The following CHRM2 variants were observed in gnomAD, a reference collection of about 807,000 sequenced individuals.
CHRM2 encodes the protein cholinergic receptor muscarinic 2.
A neutral mutation model predicts 25.0 loss-of-function variants in CHRM2; 8 were observed. The observed-to-expected ratio is 0.32, with a 90% confidence interval of 0.19 to 0.58. The LOEUF is 0.58. Among genes scored for constraint, CHRM2 ranks in the 20% least tolerant of loss-of-function variants. The probability of loss-of-function intolerance (pLI) is 0.88; values close to 1 mark genes in which losing one functional copy is unlikely to be tolerated. For missense variants in CHRM2, 440 were observed against 567.1 expected, an observed-to-expected ratio of 0.78 and a Z score of 2.28; for synonymous variants, 202 against 205.7, an observed-to-expected ratio of 0.98 and a Z score of 0.15.
At chr7:136,909,312 T>C (rs1231060602) in intron 2 of CHRM2, among the ~76,000 whole-genome samples, 1 of 151,930 alleles carries the variant, frequency 6.6e-6, no homozygotes. Flanking sequence ...ACATGGCACA[T>C]AGAGTTATAT....
chr7:136,894,867 G>C (rs145153354), intron 2 of CHRM2, among the ~76,000 whole-genome samples: 3 of 152,262 alleles, frequency 2.0e-5, no homozygotes, highest in African/African-American at 7.2e-5. Context: ...GATTGCCATT[G>C]TTGTCAGGTA....
Position 137,015,386 on chromosome 7 carries a change from G to A in CHRM2, c.521G>A (p.Gly174Glu), listed in dbSNP as rs767694809. The A allele has an allele frequency of 6.2e-7, 1 of 1,613,474 alleles. No individual in the cohort carries two copies. Among genetic ancestry groups the A allele is most frequent in the South Asian group, 1.1e-5 (1 of 91,080 alleles). Residue 174 changes from glycine to glutamate, a missense_variant, in exon 4 of 4, where the codon GGG (glycine) becomes GAG (glutamate). Physicochemically the swap from Gly to Glu is moderately conservative, Grantham distance 98. This residue lies in a region of CHRM2 where 261 missense variants were observed against 261.8 expected (regional missense o/e 1.00). Coordinates refer to ENST00000680005, the MANE Select transcript of CHRM2 (RefSeq NM_001006630.2). The surrounding 1 kb of genome is among the most constrained non-coding windows in gnomAD (Gnocchi z 5.1). ...GTAGGGGTGAGAACTGTGGAGGATG[G>A]GGAGTGCTACATTCAGTTTTTTTCC... Reference protein sequence around the residue: ...FIVGVRTVEDGECYIQFFSNA... With the variant: ...FIVGVRTVEDEECYIQFFSNA...
intron 3 of CHRM2, among the ~76,000 whole-genome samples, chr7:136,995,897 G>C: frequency 6.6e-6 from 1 of 151,652 alleles, no homozygotes; most frequent in Admixed American, 6.6e-5. Flanking sequence ...ACACTAATAA[G>C]TTGTACTTAA....
intron 2 of CHRM2, among the ~76,000 whole-genome samples, chr7:136,917,779 T>TC (rs1798203723): frequency 6.6e-6 from 1 of 152,108 alleles, no homozygotes; most frequent in Non-Finnish European, 1.5e-5. Context: ...AACATTTCTC[T>TC]CTTCATAACT....
chr7:136,880,586 A>G (rs1796226360), intron 2 of CHRM2, among the ~76,000 whole-genome samples: 1 of 151,906 alleles, frequency 6.6e-6, no homozygotes. Flanking sequence ...TTCTGTTACT[A>G]TATATAATTA....
In CHRM2 at chr7:137,018,764, T is replaced by C. The variant is rs1805300354; in HGVS notation, c.*2498T>C. On this transcript the variant is annotated 3_prime_UTR_variant, in exon 4 of 4. Coordinates refer to ENST00000680005, the MANE Select transcript of CHRM2 (RefSeq NM_001006630.2). ...GAAACTGTCACTTTAAAGAAAGAAA[T>C]TGAAGATAGGCTGACACCATGGAAA... 6.6e-6 allele frequency: 1 copy of C among 151,788 alleles called. No homozygotes were observed. Among genetic ancestry groups the C allele is most frequent in the Non-Finnish European group, 1.5e-5 (1 of 67,896 alleles). 9.4% of individuals were successfully genotyped at this position (151,788 alleles called of 1,614,324 possible).
At chr7:137,014,376 T>TG (rs1805031011) in intron 3 of CHRM2, among the ~76,000 whole-genome samples, 2 of 152,024 alleles carry the variant, frequency 1.3e-5, no homozygotes, top group Non-Finnish European at 2.9e-5. Flanking sequence ...CATTCAATAT[T>TG]ATACATTCTA....
At chr7:136,988,735 A>G (rs543694703) in intron 2 of CHRM2, among the ~76,000 whole-genome samples, 93 of 152,258 alleles carry the variant, frequency 6.1e-4, no homozygotes, top group African/African-American at 2.2e-3. Context: ...GAGATAATAA[A>G]GCACCAAGTG....
At chr7:136,959,612 G>A (rs1368162741) in intron 2 of CHRM2, among the ~76,000 whole-genome samples, 1 of 152,100 alleles carries the variant, frequency 6.6e-6, no homozygotes, top group African/African-American at 2.4e-5. Context: ...CAAAGCATAT[G>A]TTAAGAAGGA....
rs145818763 is a variant in CHRM2 at position 136,982,077 on chromosome 7, C to T, written c.-124-10110C>T. On this transcript the variant is annotated intron_variant, in intron 2 of 3. Transcript: ENST00000680005. ...TCTCCCACTACTATTGTTTAGGAGT[C>T]TAAGTCTCTTTGTATGTCTCTAAGA... Among the ~76,000 whole-genome samples the T allele has an allele frequency of 6.2e-3, 938 of 152,232 alleles. 3 individuals carry two copies. Among genetic ancestry groups the T allele is most frequent in the Non-Finnish European group, 9.2e-3 (623 of 68,012 alleles).
At chr7:136,995,962 T>C (rs1265712962) in intron 3 of CHRM2, among the ~76,000 whole-genome samples, 2 of 151,584 alleles carry the variant, frequency 1.3e-5, no homozygotes, top group Non-Finnish European at 2.9e-5. Flanking sequence ...TTGCTACGGG[T>C]GTAAGAATAG....
intron 2 of CHRM2, among the ~76,000 whole-genome samples, chr7:136,873,891 C>T (rs1215513450): frequency 6.6e-6 from 1 of 152,222 alleles, no homozygotes; most frequent in Non-Finnish European, 1.5e-5. Context: ...GTGATTGCCT[C>T]TGGCAGAGGT....
chr7:136,991,212 G>A (rs1474827594), intron 2 of CHRM2, among the ~76,000 whole-genome samples: 2 of 152,072 alleles, frequency 1.3e-5, no homozygotes, highest in African/African-American at 2.4e-5. Flanking sequence ...CATACCCAAA[G>A]TCATGTAGTT....
rs1240325898 is a variant in CHRM2, at chr7:137,019,070, C to T, written c.*2804C>T. On this transcript the variant is annotated 3_prime_UTR_variant, in exon 4 of 4. Coordinates refer to ENST00000680005, the MANE Select transcript of CHRM2 (RefSeq NM_001006630.2). Reference sequence around the variant, plus strand: ...TAATGCTCAGGACATTTTCCCCCAACCCCTTTAAACAAATATTATTTGGCT... The same window carrying T: ...TAATGCTCAGGACATTTTCCCCCAATCCCTTTAAACAAATATTATTTGGCT... The T allele has an allele frequency of 6.6e-6, 1 of 151,912 alleles. No individual in the cohort carries two copies. Among genetic ancestry groups the T allele is most frequent in the Non-Finnish European group, 1.5e-5 (1 of 67,908 alleles). 9.4% of individuals were successfully genotyped at this position (151,912 alleles called of 1,614,324 possible).
Position 136,930,898 on chromosome 7 carries a change from CAAAAAAAAAAAAAAAA to C in CHRM2, c.-124-61275_-124-61260del, listed in dbSNP as rs57705639. Among the ~76,000 whole-genome samples the C allele has an allele frequency of 1.1e-4, 7 of 61,138 alleles. 1 individual carries two copies. The highest frequency in any genetic ancestry group is 2.7e-4 in the Admixed American group (1 of 3,678). The allele number at this position is 61,138 out of a possible 152,430, so 40.1% of individuals were successfully genotyped here. Reference sequence around the variant, plus strand: ...GGCTACAGAGCCAGACTCATTCTCTCAAAAAAAAAAAAAAAAAAAAAAAAAAAAAGGATAGAAAGAT... The same window carrying C: ...GGCTACAGAGCCAGACTCATTCTCTCAAAAAAAAAAAAAGGATAGAAAGAT... On this transcript the variant is annotated intron_variant, in intron 2 of 3. Coordinates refer to ENST00000680005, the MANE Select transcript of CHRM2 (RefSeq NM_001006630.2).
intron 2 of CHRM2, among the ~76,000 whole-genome samples, chr7:136,972,002 T>G (rs536014504): frequency 1.3e-5 from 2 of 152,330 alleles, no homozygotes; most frequent in South Asian, 2.1e-4. Context: ...TTTACTTGAT[T>G]CCATAAAGGG....
At chr7:136,921,787 TTTCTTTC>T (rs1798451307) in intron 2 of CHRM2, among the ~76,000 whole-genome samples, 3 of 143,748 alleles carry the variant, frequency 2.1e-5, no homozygotes, top group Admixed American at 7.0e-5. Context: ...TCTTTCTTTC[TTTCTTTC>T]TTTTTTTTGA....
At chr7:136,937,397 TCA>T (rs1484572068) in intron 2 of CHRM2, among the ~76,000 whole-genome samples, 7 of 152,042 alleles carry the variant, frequency 4.6e-5, no homozygotes, top group South Asian at 2.1e-4. Context: ...TATTTTTTCC[TCA>T]GTTTTTTTTG....
At chr7:136,995,783 A>T (rs1233237283) in intron 3 of CHRM2, among the ~76,000 whole-genome samples, 1 of 152,054 alleles carries the variant, frequency 6.6e-6, no homozygotes, top group Admixed American at 6.5e-5. Flanking sequence ...ATAAATAAAT[A>T]AAATTTTAAA....
Sources: allele counts gnomAD v4.1 joint callset (sites outside exome capture counted in the v4.1 genomes callset), GRCh38; gene constraint gnomAD v4.1.1; regional missense constraint gnomAD v4.1.1; non-coding constraint Gnocchi (gnomAD v3.1); transcripts MANE v1.5; gene names NCBI Gene and HGNC (gene_info 2026-07-23, HGNC 2026-07-21).